SEH1L: variants seen among roughly 807,000 people sequenced by gnomAD.
SEH1L encodes the protein nucleoporin SEH1.
In SEH1L, 18 loss-of-function variants were observed where a neutral mutation model predicts 49.5. The ratio of observed to expected loss-of-function variants is 0.36; its 90% confidence interval spans 0.25 to 0.54. The LOEUF (loss-of-function observed/expected upper bound fraction) is 0.54. Among genes scored for constraint, SEH1L ranks in the 20% least tolerant of loss-of-function variants. SEH1L has a pLI of 0.87. For missense variants in SEH1L, 404 were observed against 528.8 expected (o/e 0.76, Z 2.31); for synonymous variants, 169 against 178.1 (o/e 0.95, Z 0.41).
chr18:12,982,448 TA>T, intron 6 of SEH1L, 69 bp from the exon 7 acceptor site: 2 of 1,088,230 alleles, frequency 1.8e-6, no homozygotes, highest in Non-Finnish European at 2.7e-6. Flanking sequence ...TGTATATATA[TA>T]TGTGTGTGTA....
At chr18:12,958,268 A>G (rs1232367183) in intron 3 of SEH1L, among the ~76,000 whole-genome samples, 1 of 146,854 alleles carries the variant, frequency 6.8e-6, no homozygotes, top group East Asian at 2.1e-4. Context: ...GTGTTTTTAG[A>G]AGAGACAGGG....
At chr18:12,950,594 G>A (rs1488333858) in intron 1 of SEH1L, among the ~76,000 whole-genome samples, 1 of 152,050 alleles carries the variant, frequency 6.6e-6, no homozygotes, top group Non-Finnish European at 1.5e-5. Context: ...CATTAGTTTA[G>A]CATTTTATGT....
rs183577456 is a variant in SEH1L, at chr18:12,954,188, A to G, written c.163-1275A>G. Reference sequence around the variant, plus strand: ...TGAATGTAAAAAATGTTAGCTATACAGTGTGAAACACATTTTCTGAATGTT... The same window carrying G: ...TGAATGTAAAAAATGTTAGCTATACGGTGTGAAACACATTTTCTGAATGTT... On this transcript the variant is annotated intron_variant, in intron 2 of 8. Transcript: ENST00000399892. Among the ~76,000 whole-genome samples the G allele has an allele frequency of 1.9e-3, 287 of 152,338 alleles. 2 individuals are homozygous for G. Among genetic ancestry groups the G allele is most frequent in the African/African-American group, 6.6e-3 (274 of 41,562 alleles).
At chr18:12,948,282 AGTGG>A in intron 1 of SEH1L, 50 bp downstream of exon 1, 1 of 1,173,898 alleles carries the variant, frequency 8.5e-7, no homozygotes, top group Non-Finnish European at 1.2e-6. Context: ...AAGGAAGGGG[AGTGG>A]GTGGGCGGCG....
At chr18:12,985,890 A>G in intron 8 of SEH1L, 1 of 968,450 alleles carries the variant, frequency 1.0e-6, no homozygotes, top group Non-Finnish European at 1.2e-6. Flanking sequence ...TAGCCAGGTT[A>G]AGCATTTGGT....
chr18:12,981,286 A>C lies in SEH1L; in HGVS notation c.762-1232A>C, dbSNP rs2032244222. Among the ~76,000 whole-genome samples the C allele has an allele frequency of 2.0e-5, 3 of 151,844 alleles. No individual in the cohort carries two copies. The South Asian group carries it at 6.2e-4, about 32-fold the overall frequency. ...GGGTGGCCAGGCAGAGACGCTCCTC[A>C]CTTCCCAGACGGGGTGGCGGCCGGG... is the stretch of plus-strand genomic sequence containing the variant. On this transcript the variant is annotated intron_variant, in intron 6 of 8. Coordinates refer to ENST00000399892, the MANE Select transcript of SEH1L (RefSeq NM_001013437.2).
At chr18:12,949,641 G>C (rs1383141960) in intron 1 of SEH1L, among the ~76,000 whole-genome samples, 2 of 151,738 alleles carry the variant, frequency 1.3e-5, no homozygotes, top group East Asian at 3.9e-4. Flanking sequence ...TTTTAGTAGA[G>C]ACAGGGTTTC....
chr18:12,950,255 C>T (rs1172613557), intron 1 of SEH1L, among the ~76,000 whole-genome samples: 1 of 152,048 alleles, frequency 6.6e-6, no homozygotes, highest in African/African-American at 2.4e-5. Flanking sequence ...AGGCTAGTCT[C>T]GAACTCCTGA....
chr18:12,965,936 T>C (rs1357666198), intron 4 of SEH1L, among the ~76,000 whole-genome samples: 1 of 152,148 alleles, frequency 6.6e-6, no homozygotes, highest in African/African-American at 2.4e-5. Flanking sequence ...GACAGACCCT[T>C]CCATACTCAT....
chr18:12,963,088 T>G, intron 3 of SEH1L, 72 bp from the exon 4 acceptor site: 1 of 1,074,818 alleles, frequency 9.3e-7, no homozygotes, highest in Non-Finnish European at 1.3e-6. Context: ...GATTCCAGAG[T>G]CTGTGTGTCT....
chr18:12,962,859 T>G (rs920119003), intron 3 of SEH1L, among the ~76,000 whole-genome samples: 51 of 152,236 alleles, frequency 3.4e-4, no homozygotes, highest in Admixed American at 1.4e-3. Flanking sequence ...TCTTTTTTTT[T>G]TGTGATCAGT....
chr18:12,957,671 C>A (rs1328794914), intron 3 of SEH1L, among the ~76,000 whole-genome samples: 1 of 152,140 alleles, frequency 6.6e-6, no homozygotes, highest in Non-Finnish European at 1.5e-5. Flanking sequence ...AATAGATAAT[C>A]ATGCACATGG....
intron 3 of SEH1L, among the ~76,000 whole-genome samples, chr18:12,959,301 G>A (rs2031056863): frequency 1.3e-5 from 2 of 152,022 alleles, no homozygotes; most frequent in South Asian, 4.1e-4. Context: ...GAAATGTTTT[G>A]GATTTTGGAT....
chr18:12,956,006 CT>C (rs112254211), intron 3 of SEH1L, among the ~76,000 whole-genome samples: 8,840 of 133,984 alleles, frequency 0.066, 346 homozygotes, highest in East Asian at 0.17. Flanking sequence ...CTCTAAAATT[CT>C]TTTTTTTTTT....
intron 1 of SEH1L, among the ~76,000 whole-genome samples, chr18:12,949,818 C>T (rs2030405035): frequency 6.6e-6 from 1 of 151,976 alleles, no homozygotes; most frequent in Non-Finnish European, 1.5e-5. Context: ...TTTTGTGCAG[C>T]GTCGCCCCTG....
chr18:12,973,615 T>G (rs2031793162), intron 5 of SEH1L: 1 of 152,226 alleles, frequency 6.6e-6, no homozygotes, highest in Non-Finnish European at 1.5e-5. Flanking sequence ...ATTACCTAAG[T>G]ATTTCTAAAT....
At chr18:12,986,594 A>ATTT in intron 8 of SEH1L, 1 of 1,016,638 alleles carries the variant, frequency 9.8e-7, no homozygotes. Context: ...ATTTATATAT[A>ATTT]TTTTTTAACA....
chr18:12,971,749 G>T (rs1194785549), intron 5 of SEH1L: 1 of 153,388 alleles, frequency 6.5e-6, no homozygotes, highest in African/African-American at 2.4e-5. Flanking sequence ...AAGAATTAGG[G>T]TGCTAAAGAG....
chr18:12,978,584 C>A, intron 5 of SEH1L, 168 bp from the exon 6 acceptor site: 1 of 552,998 alleles, frequency 1.8e-6, no homozygotes, highest in Non-Finnish European at 3.2e-6. Context: ...TTCACAGGGT[C>A]TGGGGGTCAG....
Sources: allele counts gnomAD v4.1 joint callset (sites outside exome capture counted in the v4.1 genomes callset), GRCh38; gene constraint gnomAD v4.1.1; transcripts MANE v1.5; gene names NCBI Gene and HGNC (gene_info 2026-07-23, HGNC 2026-07-21).